LINGO2: variants seen among roughly 807,000 people sequenced by gnomAD.
LINGO2 encodes leucine rich repeat and Ig domain containing 2.
In LINGO2, 14 loss-of-function variants were observed where a neutral mutation model predicts 30.6. That is an observed-to-expected ratio of 0.46 (90% confidence interval 0.30 to 0.72). The LOEUF (loss-of-function observed/expected upper bound fraction) is 0.72. LINGO2 is among the 30% of genes least tolerant of loss of function. The pLI, the probability that LINGO2 is intolerant of heterozygous loss-of-function variation, is 0.07. For missense variants in LINGO2, 729 were observed against 751.7 expected (o/e 0.97, Z 0.35); for synonymous variants, 317 against 288.5 (o/e 1.10, Z -1.00).
the LINGO2 span, among the ~76,000 whole-genome samples, chr9:29,154,732 G>C: frequency 6.6e-6 from 1 of 152,274 alleles, no homozygotes; most frequent in Non-Finnish European, 1.5e-5. Flanking sequence ...AGCTTTATCT[G>C]CTCCTAACTT....
At chr9:29,196,559 G>A in the LINGO2 span, among the ~76,000 whole-genome samples, 17 of 152,096 alleles carry the variant, frequency 1.1e-4, no homozygotes, top group South Asian at 3.3e-3. Flanking sequence ...AAATGTCACC[G>A]TTATATTGAT....
chr9:28,621,776 G>A (rs1826409649), intron 1 of LINGO2, among the ~76,000 whole-genome samples: 1 of 151,900 alleles, frequency 6.6e-6, no homozygotes, highest in Non-Finnish European at 1.5e-5. Context: ...TTGTTTCCCA[G>A]TGCATATGAA....
chr9:28,481,564 C>A (rs1285222003), intron 1 of LINGO2, among the ~76,000 whole-genome samples: 1 of 152,040 alleles, frequency 6.6e-6, no homozygotes, highest in African/African-American at 2.4e-5. Flanking sequence ...CCCTCTATTA[C>A]TTTCAACTGG....
chr9:28,352,000 T>A (rs1395864995), intron 3 of LINGO2, among the ~76,000 whole-genome samples: 4 of 151,640 alleles, frequency 2.6e-5, no homozygotes, highest in African/African-American at 9.7e-5. Context: ...GGGATGTATT[T>A]CAAAATAATA....
chr9:28,569,042 G>A (rs1052666249), intron 1 of LINGO2, among the ~76,000 whole-genome samples: 5 of 147,444 alleles, frequency 3.4e-5, no homozygotes. Flanking sequence ...AACATTCTAA[G>A]TATTGCTTAT....
intron 4 of LINGO2, among the ~76,000 whole-genome samples, chr9:28,173,004 A>G (rs1252070521): frequency 6.6e-6 from 1 of 152,206 alleles, no homozygotes; most frequent in Non-Finnish European, 1.5e-5. Flanking sequence ...TGTGCCTATT[A>G]GGTTCAGCTC....
At chr9:28,002,365 C>CA (rs1388138801) in intron 5 of LINGO2, among the ~76,000 whole-genome samples, 3 of 151,914 alleles carry the variant, frequency 2.0e-5, no homozygotes, top group African/African-American at 7.3e-5. Context: ...TAGAAAGTAC[C>CA]ACAACTGAGA....
chr9:29,156,180 T>G, the LINGO2 span, among the ~76,000 whole-genome samples: 9 of 152,144 alleles, frequency 5.9e-5, no homozygotes, highest in Admixed American at 1.3e-4. Flanking sequence ...GTGTATACTC[T>G]TCACTATAAG....
the LINGO2 span, among the ~76,000 whole-genome samples, chr9:28,734,623 T>A: frequency 6.6e-6 from 1 of 152,180 alleles, no homozygotes; most frequent in African/African-American, 2.4e-5. Context: ...GATGCCTTTT[T>A]AAAATGTAGA....
the LINGO2 span, among the ~76,000 whole-genome samples, chr9:29,089,744 G>A: frequency 6.6e-6 from 1 of 152,022 alleles, no homozygotes; most frequent in African/African-American, 2.4e-5. Flanking sequence ...GTGAATGACA[G>A]ACAGGTTTGC....
chr9:28,927,520 G>T, the LINGO2 span, among the ~76,000 whole-genome samples: 1 of 152,126 alleles, frequency 6.6e-6, no homozygotes, highest in Non-Finnish European at 1.5e-5. Context: ...TTAGTATACT[G>T]GAGAGATTTT....
intron 1 of LINGO2, among the ~76,000 whole-genome samples, chr9:28,606,026 T>G (rs1205727719): frequency 6.7e-6 from 1 of 149,706 alleles, no homozygotes; most frequent in East Asian, 2.1e-4. Flanking sequence ...TAGAATCTCA[T>G]GAAATAACAA....
the LINGO2 span, among the ~76,000 whole-genome samples, chr9:28,801,701 C>A: frequency 6.6e-6 from 1 of 151,964 alleles, no homozygotes; most frequent in Admixed American, 6.6e-5. Flanking sequence ...TTTTACAAAT[C>A]ATTTGCTCAG....
At chr9:28,251,662 G>T (rs1049829318) in intron 4 of LINGO2, among the ~76,000 whole-genome samples, 2 of 152,004 alleles carry the variant, frequency 1.3e-5, no homozygotes, top group Non-Finnish European at 2.9e-5. Context: ...TTTCTCTTCT[G>T]TCTTTGTGGA....
chr9:29,195,910 A>G, the LINGO2 span, among the ~76,000 whole-genome samples: 1 of 152,138 alleles, frequency 6.6e-6, no homozygotes, highest in Admixed American at 6.6e-5. Context: ...CTAAGACATC[A>G]GTGAATGTAA....
chr9:28,237,172 G>A (rs903807368), intron 4 of LINGO2, among the ~76,000 whole-genome samples: 4 of 150,182 alleles, frequency 2.7e-5, no homozygotes, highest in African/African-American at 9.8e-5. Context: ...TTGCATGTTT[G>A]TTTGTTTGTT....
chr9:28,959,191 A>C, the LINGO2 span, among the ~76,000 whole-genome samples: 1 of 122,942 alleles, frequency 8.1e-6, no homozygotes, highest in East Asian at 2.4e-4. Flanking sequence ...GGAAATGAGA[A>C]ATAAACCTAT....
At chr9:28,241,787 C>T (rs1821809887) in intron 4 of LINGO2, among the ~76,000 whole-genome samples, 1 of 152,176 alleles carries the variant, frequency 6.6e-6, no homozygotes, top group Non-Finnish European at 1.5e-5. Context: ...CCCATCTTTG[C>T]TCTTCTCCAG....
chr9:28,010,724 G>A (rs904840721), intron 5 of LINGO2, among the ~76,000 whole-genome samples: 3 of 152,184 alleles, frequency 2.0e-5, no homozygotes, highest in African/African-American at 7.2e-5. Flanking sequence ...AGGCAGAGAT[G>A]GGAGGATTGC....
Sources: gnomAD v4.1 joint callset for allele counts (sites outside exome capture counted in the v4.1 genomes callset) on GRCh38, gnomAD v4.1.1 for gene constraint, MANE v1.5 for transcripts, NCBI Gene and HGNC (gene_info 2026-07-23, HGNC 2026-07-21) for gene names.